DLGAP2: variants seen among roughly 807,000 people sequenced by gnomAD.
DLGAP2 encodes DLG associated protein 2.
Under a neutral mutation model 100.3 loss-of-function variants are expected in DLGAP2, and 26 were observed. The observed-to-expected ratio is 0.26, with a 90% CI of 0.19 to 0.36. The LOEUF (loss-of-function observed/expected upper bound fraction) is 0.36. Among genes scored for constraint, DLGAP2 ranks in the 10% least tolerant of loss-of-function variants. The pLI, the probability that DLGAP2 is intolerant of heterozygous loss-of-function variation, is 1.00. For synonymous variants in DLGAP2, 886 were observed against 630.1 expected, an observed-to-expected ratio of 1.41 and a Z score of -6.08; for missense variants, 1,858 against 1,453.2, an observed-to-expected ratio of 1.28 and a Z score of -4.53.
chr8:1,435,935 A>G (rs1212833330), intron 3 of DLGAP2, among the ~76,000 whole-genome samples: 4 of 152,206 alleles, frequency 2.6e-5, no homozygotes, highest in Non-Finnish European at 4.4e-5. Flanking sequence ...ATAAGAATAT[A>G]AAGAAAAATA....
intron 3 of DLGAP2, among the ~76,000 whole-genome samples, chr8:1,467,606 T>A (rs977065063): frequency 1.4e-4 from 22 of 151,814 alleles, no homozygotes; most frequent in Non-Finnish European, 2.4e-4. Flanking sequence ...TTTCAGGGAG[T>A]GTTCGTGTCA....
In DLGAP2 at chr8:1,481,466, TTTTTC is replaced by T. The variant is rs1300860769; in HGVS notation, c.107-19895_107-19891del. Among the ~76,000 whole-genome samples, 489 of 109,862 alleles carry T rather than the reference TTTTTC, an allele frequency of 4.5e-3. 2 individuals carry two copies. Among genetic ancestry groups the T allele is most frequent in the African/African-American group, 0.013 (326 of 25,662 alleles). The allele number at this position is 109,862 out of a possible 152,430, so 72.1% of individuals were successfully genotyped here. A position where few individuals can be genotyped will look rare whatever the true frequency, so the allele number is the denominator to read the frequency against. The stretch of plus-strand genomic sequence containing the variant: ...TTATTGGATTTTCTTTTTCTTTTTC[TTTTTC>T]TTTTTTTTTTTTTTTTTTTTTTTTG... On this transcript the variant is annotated intron_variant, in intron 3 of 14. Coordinates refer to ENST00000637795, the MANE Select transcript of DLGAP2 (RefSeq NM_001346810.2).
At chr8:1,389,259 G>A (rs1354558082) in intron 3 of DLGAP2, among the ~76,000 whole-genome samples, 4 of 139,982 alleles carry the variant, frequency 2.9e-5, no homozygotes, top group Non-Finnish European at 5.9e-5. Context: ...GGAAGGCGAC[G>A]TGGCTTCCTC....
intron 3 of DLGAP2, among the ~76,000 whole-genome samples, chr8:1,446,708 T>C (rs951697342): frequency 6.6e-6 from 1 of 152,248 alleles, no homozygotes; most frequent in Non-Finnish European, 1.5e-5. Flanking sequence ...ACAATATTGA[T>C]TCTTCCTACC....
intron 3 of DLGAP2, among the ~76,000 whole-genome samples, chr8:1,464,100 T>C: frequency 6.6e-6 from 1 of 152,334 alleles, no homozygotes; most frequent in East Asian, 1.9e-4. Flanking sequence ...CCAGCTGAGC[T>C]CCCAGGCAAG....
intron 2 of DLGAP2, among the ~76,000 whole-genome samples, chr8:928,789 A>C (rs1203704637): frequency 1.3e-5 from 2 of 151,968 alleles, no homozygotes; most frequent in Admixed American, 6.6e-5. Flanking sequence ...TCGAGTTAGA[A>C]GGGACTCGAG....
chr8:1,254,243 C>T lies in DLGAP2; in HGVS notation c.74-4608C>T, dbSNP rs138937005. The stretch of plus-strand genomic sequence containing the variant: ...GGCACCATGGTGAAGCCGGCGTCTC[C>T]CCTGCCCTGGGGGAACCCCGGGCAC... On this transcript the variant is annotated intron_variant, in intron 2 of 14. Transcript: ENST00000637795. Among the ~76,000 whole-genome samples, 869 of 152,306 alleles carry T rather than the reference C, an allele frequency of 5.7e-3. 9 individuals carry two copies. Among genetic ancestry groups the T allele is most frequent in the African/African-American group, 0.02 (811 of 41,576 alleles).
intron 2 of DLGAP2, among the ~76,000 whole-genome samples, chr8:1,169,021 C>G (rs59206385): frequency 6.7e-6 from 1 of 148,694 alleles, no homozygotes; most frequent in African/African-American, 2.5e-5. Flanking sequence ...TTAGGTCTAA[C>G]GTTTAAGTCT....
Position 940,418 on chromosome 8 carries a change from C to A in DLGAP2, c.73+32452C>A, listed in dbSNP as rs371897836. Among the ~76,000 whole-genome samples the A allele has an allele frequency of 8.0e-3, 1,220 of 151,858 alleles. 24 individuals carry two copies. The highest frequency in any genetic ancestry group is 0.028 in the African/African-American group (1,168 of 41,390). On this transcript the variant is annotated intron_variant, in intron 2 of 14. Coordinates refer to ENST00000637795, the MANE Select transcript of DLGAP2 (RefSeq NM_001346810.2). ...AAAAGGGTGCTGAAGCCCAGGAGTT[C>A]CCTGTGATTTCACCCTGGGTGGTTC...
chr8:1,187,947 C>T (rs117540343), intron 2 of DLGAP2, among the ~76,000 whole-genome samples: 4,122 of 106,678 alleles, frequency 0.039, 286 homozygotes, highest in Middle Eastern at 0.087. Flanking sequence ...CCGGGACTTC[C>T]GTGACGTTTC....
At chr8:834,776 C>G (rs1477434668) in intron 1 of DLGAP2, among the ~76,000 whole-genome samples, 1 of 152,150 alleles carries the variant, frequency 6.6e-6, no homozygotes, top group Non-Finnish European at 1.5e-5. Flanking sequence ...ACCTGGATGT[C>G]AGGATCATTT....
intron 2 of DLGAP2, among the ~76,000 whole-genome samples, chr8:1,099,041 T>C (rs1177071790): frequency 6.6e-6 from 1 of 152,214 alleles, no homozygotes; most frequent in Non-Finnish European, 1.5e-5. Flanking sequence ...GGCTAGTGTG[T>C]ATTTTAGAAA....
At chr8:1,220,354 T>C (rs1212123830) in intron 2 of DLGAP2, among the ~76,000 whole-genome samples, 2 of 152,182 alleles carry the variant, frequency 1.3e-5, no homozygotes, top group Non-Finnish European at 2.9e-5. Context: ...TCTACCTTCA[T>C]TCTTTACCCA....
Position 1,313,140 on chromosome 8 carries a change from A to G in DLGAP2, c.106+54257A>G, listed in dbSNP as rs117490204. Among the ~76,000 whole-genome samples the G allele has an allele frequency of 9.6e-4, 146 of 152,270 alleles. 2 individuals are homozygous for G. The East Asian group carries it at 0.024, about 25-fold the overall frequency. ...CCCCTTTGGGGGGTGACATTTACCT[A>G]TGTCTGTTTATATAGACATAGAACA... On this transcript the variant is annotated intron_variant, in intron 3 of 14. Coordinates refer to ENST00000637795, the MANE Select transcript of DLGAP2 (RefSeq NM_001346810.2).
chr8:1,538,976 C>G (rs971972684), intron 4 of DLGAP2, among the ~76,000 whole-genome samples: 1 of 151,786 alleles, frequency 6.6e-6, no homozygotes, highest in African/African-American at 2.4e-5. Flanking sequence ...ACCTCCACCT[C>G]CCAGGCTTCA....
At chr8:1,686,389 C>T (rs138198029) in intron 12 of DLGAP2, among the ~76,000 whole-genome samples, 8 of 152,238 alleles carry the variant, frequency 5.3e-5, no homozygotes, top group African/African-American at 9.6e-5. Context: ...AGAGCTCAGG[C>T]GGGCGCAGTG....
intron 8 of DLGAP2, 39 bp downstream of exon 8, chr8:1,633,085 T>C (rs756334006): frequency 1.9e-6 from 3 of 1,603,800 alleles, no homozygotes; most frequent in East Asian, 4.5e-5. Context: ...GCGGGGACTC[T>C]AGAGGCATAC....
At chr8:839,637 G>T (rs903119288) in intron 1 of DLGAP2, among the ~76,000 whole-genome samples, 1 of 152,134 alleles carries the variant, frequency 6.6e-6, no homozygotes. Context: ...TCACCACCTC[G>T]GTGAAAAACA....
intron 8 of DLGAP2, among the ~76,000 whole-genome samples, chr8:1,651,330 G>T (rs1431858445): frequency 6.6e-6 from 1 of 152,118 alleles, no homozygotes; most frequent in Non-Finnish European, 1.5e-5. Context: ...CGCTGGCCCC[G>T]TCAGCAGCCA....
Sources: allele counts gnomAD v4.1 joint callset (sites outside exome capture counted in the v4.1 genomes callset), GRCh38; gene constraint gnomAD v4.1.1; transcripts MANE v1.5; gene names NCBI Gene and HGNC (gene_info 2026-07-23, HGNC 2026-07-21).